The following ALAS1 variants were observed in gnomAD, a reference collection of about 807,000 sequenced individuals.
ALAS1 encodes the protein 5'-aminolevulinate synthase 1.
ALAS1 carries 29 observed loss-of-function variants against 59.6 expected under a neutral mutation model. That is an observed-to-expected ratio of 0.49 (90% CI 0.36 to 0.66). ALAS1 has a LOEUF of 0.66. Among genes scored for constraint, ALAS1 ranks in the 30% least tolerant of loss-of-function variants. ALAS1 has a pLI of 0.00. For missense variants in ALAS1, 690 were observed against 807.5 expected (o/e 0.85, Z 1.76); for synonymous variants, 299 against 296.6 (o/e 1.01, Z -0.08).
intron 7 of ALAS1, 96 bp from the exon 8 acceptor site, chr3:52,206,476 C>A: frequency 7.2e-7 from 1 of 1,397,052 alleles, no homozygotes; most frequent in Non-Finnish European, 9.9e-7. Context: ...TAGGCATTTT[C>A]AAAGCATCAT....
At chr3:52,210,862 A>G (rs1464911220) in intron 9 of ALAS1, among the ~76,000 whole-genome samples, 1 of 152,170 alleles carries the variant, frequency 6.6e-6, no homozygotes, top group Non-Finnish European at 1.5e-5. Context: ...TTGCATCACT[A>G]GGCGATTTCA....
Position 52,206,019 on chromosome 3 carries a change from G to A in ALAS1, c.981G>A (p.Met327Ile). 1 of 1,592,242 alleles carries A rather than the reference G, an allele frequency of 6.3e-7. No homozygotes were observed. Among genetic ancestry groups the A allele is most frequent in the Non-Finnish European group, 8.6e-7 (1 of 1,167,318 alleles). Reference sequence around the variant, plus strand: ...CCCTCTTCACCCTGGCTAAGATGATGCCAGGTAAGGAAGCCTGGCATGAGT... The same window carrying A: ...CCCTCTTCACCCTGGCTAAGATGATACCAGGTAAGGAAGCCTGGCATGAGT... ...DSTLFTLAKMMPGCEIYSDSG... is the reference protein window; with the variant it reads ...DSTLFTLAKMIPGCEIYSDSG... The change falls in exon 7 of 12, where the codon ATG (methionine) becomes ATA (isoleucine). Residue 327 changes from methionine (M) to isoleucine (I), a missense_variant. Transcript: ENST00000484952.
rs1285421739 is a variant in ALAS1 at position 52,212,378 on chromosome 3, C to G, written c.1720C>G (p.Pro574Ala). The change falls in exon 11 of 12, where the codon CCC becomes GCC. Residue 574 changes from proline to alanine, a missense_variant. Coordinates refer to ENST00000484952, the MANE Select transcript of ALAS1 (RefSeq NM_000688.6). ...GGGAGAAGAGCTCCTACGGATTGCCCCCACCCCTCACCACACACCCCAGAT... is the reference window on the plus strand; with the variant it reads ...GGGAGAAGAGCTCCTACGGATTGCCGCCACCCCTCACCACACACCCCAGAT... The part of the protein sequence containing the change: ...PRGEELLRIA[P>A]TPHHTPQMMN... 1 of 1,614,038 alleles carries G rather than the reference C, an allele frequency of 6.2e-7. No individual in the cohort carries two copies. Among genetic ancestry groups the G allele is most frequent in the African/African-American group, 1.3e-5 (1 of 75,020 alleles).
At position 52,214,097 on chromosome 3, in the gene ALAS1, A is replaced by G. The variant is rs762339615; in HGVS notation, c.1840A>G (p.Arg614Gly). The G allele has an allele frequency of 6.2e-7, 1 of 1,613,926 alleles. No individual in the cohort carries two copies. The highest frequency in any genetic ancestry group is 8.5e-7 in the Non-Finnish European group (1 of 1,179,810). The part of the protein sequence containing the change: ...HSSAECNFCR[R>G]PLHFEVMSER... ...CTCAGCTGAGTGCAACTTCTGCAGG[A>G]GGCCACTGCATTTTGAAGTGATGAG... Residue 614 changes from arginine (R) to glycine (G), a missense_variant, in exon 12 of 12, where the codon AGG (arginine) becomes GGG (glycine). Arg to Gly is a moderately radical substitution (Grantham distance 125). Coordinates refer to ENST00000484952, the MANE Select transcript of ALAS1 (RefSeq NM_000688.6).
At chr3:52,209,387 G>T (rs1482885125) in intron 9 of ALAS1, among the ~76,000 whole-genome samples, 1 of 151,798 alleles carries the variant, frequency 6.6e-6, no homozygotes, top group Non-Finnish European at 1.5e-5. Flanking sequence ...TTTTGTATTT[G>T]TAGTAGAGAC....
intron 3 of ALAS1, among the ~76,000 whole-genome samples, chr3:52,202,078 A>G (rs1203407178): frequency 6.6e-6 from 1 of 152,134 alleles, no homozygotes; most frequent in Non-Finnish European, 1.5e-5. Flanking sequence ...GGCTGAGTGC[A>G]GTGGTTCACG....
rs1259175152 is a variant in ALAS1, at chr3:52,203,121, G to T, written c.427+387G>T. Among the ~76,000 whole-genome samples, 4 of 152,168 alleles carry T rather than the reference G, an allele frequency of 2.6e-5. No homozygotes were observed. The East Asian group carries it at 5.8e-4, about 22-fold the overall frequency. The stretch of plus-strand genomic sequence containing the variant: ...TCCCAAGCCGTGTGTCTTACTGATG[G>T]TCATTGAATTGCAACCTTAACTCCA... On this transcript the variant is annotated intron_variant, in intron 4 of 11. Transcript: ENST00000484952.
chr3:52,200,251 C>T (rs1035351407), intron 3 of ALAS1, among the ~76,000 whole-genome samples: 4 of 152,110 alleles, frequency 2.6e-5, no homozygotes, highest in Non-Finnish European at 4.4e-5. Flanking sequence ...TGTTGTGTCA[C>T]CACCACCATC....
At chr3:52,208,372 C>G in intron 9 of ALAS1, 125 bp downstream of exon 9, 1 of 1,081,184 alleles carries the variant, frequency 9.2e-7, no homozygotes, top group East Asian at 2.6e-5. Context: ...GCCACTCTTT[C>G]TTTTGGCCCA....
At chr3:52,207,513 A>G (rs1178146958) in intron 8 of ALAS1, among the ~76,000 whole-genome samples, 1 of 151,410 alleles carries the variant, frequency 6.6e-6, no homozygotes, top group Non-Finnish European at 1.5e-5. Context: ...TTCAGTGGGT[A>G]CATGTGCGGG....
chr3:52,205,133 C>T (rs1699267979), intron 6 of ALAS1, among the ~76,000 whole-genome samples: 1 of 152,224 alleles, frequency 6.6e-6, no homozygotes. Context: ...AGGGTTCAAG[C>T]TTATAGGCTC....
In ALAS1 at chr3:52,206,047, C is replaced by T. The variant is rs773948342; in HGVS notation, c.985+24C>T. 1.1e-5 allele frequency: 17 copies of T among 1,560,092 alleles called. No individual in the cohort carries two copies. In the Admixed American group the frequency reaches 3.4e-4, roughly 31 times the overall value. On this transcript the variant is annotated intron_variant, in intron 7 of 11. Transcript: ENST00000484952. ...AGGTAAGGAAGCCTGGCATGAGTGCCTTCGAGTTTTTTGGGTTTCTTAGTA... is the reference window on the plus strand; with the variant it reads ...AGGTAAGGAAGCCTGGCATGAGTGCTTTCGAGTTTTTTGGGTTTCTTAGTA...
chr3:52,206,713 C>T lies in ALAS1; in HGVS notation c.1127C>T (p.Pro376Leu), dbSNP rs1304809844. 1 of 1,614,068 alleles carries T rather than the reference C, an allele frequency of 6.2e-7. No homozygotes were observed. Among genetic ancestry groups the T allele is most frequent in the Non-Finnish European group, 8.5e-7 (1 of 1,180,050 alleles). ...ELLQRSDPSV[P>L]KIVAFETVHS... ...CTGCAAAGATCTGACCCCTCAGTCC[C>T]CAAGATTGTGGCATTTGAAACTGTC... The change falls in exon 8 of 12, where the codon CCC becomes CTC. Residue 376 changes from proline to leucine, a missense_variant. Transcript: ENST00000484952.
intron 2 of ALAS1, 76 bp from the exon 3 acceptor site, chr3:52,199,134 G>A: frequency 6.9e-7 from 1 of 1,452,010 alleles, no homozygotes. Context: ...ATAAACTGCG[G>A]TTGACACCTG....
In ALAS1 at chr3:52,211,383, G is replaced by T. The variant is rs530800696; in HGVS notation, c.1431G>T (p.Leu477=). The change falls in exon 10 of 12, where the codon CTG becomes CTT. Residue 477 remains leucine, a synonymous_variant. Coordinates refer to ENST00000484952, the MANE Select transcript of ALAS1 (RefSeq NM_000688.6). ...CTGGCTTCATCTTCACCACCTCTCT[G>T]CCACCCATGCTGCTGGCTGGAGCCC... ...YAAGFIFTTS[L]PPMLLAGALE... is the part of the protein sequence containing the mutation. The T allele has an allele frequency of 6.2e-7, 1 of 1,614,162 alleles. No individual in the cohort carries two copies. The highest frequency in any genetic ancestry group is 8.5e-7 in the Non-Finnish European group (1 of 1,180,026).
chr3:52,208,924 C>T (rs180746150), intron 9 of ALAS1, among the ~76,000 whole-genome samples: 32 of 152,242 alleles, frequency 2.1e-4, no homozygotes, highest in Admixed American at 9.2e-4. Flanking sequence ...CCTAAAGAGA[C>T]GAAAATTACA....
intron 9 of ALAS1, among the ~76,000 whole-genome samples, chr3:52,208,567 AAAAAGG>A: frequency 1.3e-5 from 2 of 152,370 alleles, no homozygotes; most frequent in East Asian, 3.9e-4. Context: ...AATTAAAAAG[AAAAAGG>A]AATTCTAGTA....
chr3:52,199,106 T>G, intron 2 of ALAS1, 104 bp from the exon 3 acceptor site: 1 of 1,192,382 alleles, frequency 8.4e-7, no homozygotes, highest in Middle Eastern at 2.0e-4. Flanking sequence ...AGTGTTAGTA[T>G]TCCAGGGTAC....
In ALAS1 at chr3:52,210,069, A is replaced by G. The variant is rs181235825; in HGVS notation, c.1331-1214A>G. On this transcript the variant is annotated intron_variant, in intron 9 of 11. Transcript: ENST00000484952. ...GAAAACCAAGTCTGGCCCTAAATCA[A>G]TCCTAATGCATTAATTGTCAAGAGT... 4.0e-3 allele frequency among the ~76,000 whole-genome samples: 615 copies of G among 152,328 alleles called. 5 individuals carry two copies. Among genetic ancestry groups the G allele is most frequent in the South Asian group, 0.021 (103 of 4,818 alleles).
Sources: allele counts gnomAD v4.1 joint callset (sites outside exome capture counted in the v4.1 genomes callset), GRCh38; gene constraint gnomAD v4.1.1; transcripts MANE v1.5; gene names NCBI Gene and HGNC (gene_info 2026-07-23, HGNC 2026-07-21).